PTPRT: variants seen among roughly 807,000 people sequenced by gnomAD.
PTPRT encodes the protein protein tyrosine phosphatase receptor type T, also known as receptor-type tyrosine-protein phosphatase T.
A neutral mutation model predicts 176.8 loss-of-function variants in PTPRT; 56 were observed. The observed-to-expected ratio is 0.32, with a 90% CI of 0.26 to 0.40. The LOEUF (loss-of-function observed/expected upper bound fraction) is 0.40, where lower values mean the gene tolerates loss of function less well. Among genes scored for constraint, PTPRT ranks in the 10% least tolerant of loss-of-function variants. The pLI is 1.00. For synonymous variants in PTPRT, 783 were observed against 739.0 expected (o/e 1.06, Z -0.96); for missense variants, 1,540 against 1,908.2 (o/e 0.81, Z 3.60).
At chr20:42,591,491 C>A (rs771940554) in intron 7 of PTPRT, among the ~76,000 whole-genome samples, 12 of 152,184 alleles carry the variant, frequency 7.9e-5, no homozygotes, top group Admixed American at 2.0e-4. Flanking sequence ...CTGGTTTAAT[C>A]TTGACTCAGT....
intron 7 of PTPRT, among the ~76,000 whole-genome samples, chr20:42,579,480 C>G (rs1350992389): frequency 1.3e-5 from 2 of 152,182 alleles, no homozygotes; most frequent in Non-Finnish European, 2.9e-5. Flanking sequence ...TGAGGAATCA[C>G]CACACTGTCT....
chr20:42,509,803 C>A (rs2071921200), intron 7 of PTPRT, among the ~76,000 whole-genome samples: 1 of 152,022 alleles, frequency 6.6e-6, no homozygotes, highest in Admixed American at 6.6e-5. Context: ...ATTTATTTAG[C>A]AAATATGTAT....
intron 25 of PTPRT, among the ~76,000 whole-genome samples, chr20:42,103,535 G>A (rs571412765): frequency 6.6e-6 from 1 of 152,180 alleles, no homozygotes; most frequent in Admixed American, 6.5e-5. Context: ...GCACAATCTC[G>A]GCTCACTGCA....
intron 2 of PTPRT, among the ~76,000 whole-genome samples, chr20:42,851,515 C>T (rs1568634996): frequency 6.6e-6 from 1 of 152,108 alleles, no homozygotes; most frequent in Non-Finnish European, 1.5e-5. Context: ...CTTTTACTCT[C>T]AAAAATGTCC....
chr20:42,301,851 GA>G (rs1317891753), intron 12 of PTPRT, among the ~76,000 whole-genome samples: 1 of 152,138 alleles, frequency 6.6e-6, no homozygotes, highest in Admixed American at 6.5e-5. Flanking sequence ...AAGTAAGTTG[GA>G]ACAAAAACAA....
chr20:42,811,228 A>G (rs1340998927), intron 2 of PTPRT, among the ~76,000 whole-genome samples: 6 of 152,216 alleles, frequency 3.9e-5, no homozygotes, highest in Admixed American at 6.5e-5. Context: ...ACCCAGAAAT[A>G]ACTGTCATTA....
intron 12 of PTPRT, among the ~76,000 whole-genome samples, chr20:42,304,467 T>G (rs1360384443): frequency 6.6e-6 from 1 of 152,126 alleles, no homozygotes; most frequent in Non-Finnish European, 1.5e-5. Context: ...TTTAGAAACA[T>G]TCTTATAAAG....
intron 19 of PTPRT, among the ~76,000 whole-genome samples, chr20:42,121,861 C>A (rs1402842183): frequency 4.0e-5 from 6 of 151,830 alleles, no homozygotes; most frequent in Admixed American, 3.9e-4. Flanking sequence ...TTTGCAGCAA[C>A]ATGGATACAT....
chr20:42,165,561 C>T (rs193231367), intron 16 of PTPRT, among the ~76,000 whole-genome samples: 11 of 152,362 alleles, frequency 7.2e-5, no homozygotes, highest in Non-Finnish European at 8.8e-5. Flanking sequence ...ATCTATGTGA[C>T]AGCTGTCCAA....
Position 42,648,821 on chromosome 20 carries a change from T to TTTTTTTTTTTGTTTTTTTTTTTTG in PTPRT, c.1153+29044_1153+29045insCAAAAAAAAAAAACAAAAAAAAAA, listed in dbSNP as rs199784986. On this transcript the variant is annotated intron_variant, in intron 7 of 30. Transcript: ENST00000373187. ...GGGATTTTTTTTTTTGGTGTCGTTG[T>TTTTTTTTTTTGTTTTTTTTTTTTG]TTTTTTTTTTTTTTTTTGACAGAGT... 1.7e-3 allele frequency among the ~76,000 whole-genome samples: 42 copies of TTTTTTTTTTTGTTTTTTTTTTTTG among 25,368 alleles called. 3 individuals are homozygous for TTTTTTTTTTTGTTTTTTTTTTTTG. The highest frequency in any genetic ancestry group is 6.3e-3 in the African/African-American group (41 of 6,534). The allele number at this position is 25,368 out of a possible 152,430, so 16.6% of individuals were successfully genotyped here.
intron 9 of PTPRT, among the ~76,000 whole-genome samples, chr20:42,404,314 T>C (rs1280968853): frequency 6.6e-6 from 1 of 152,132 alleles, no homozygotes; most frequent in Non-Finnish European, 1.5e-5. Context: ...TTGAATGCCT[T>C]AGGGGATGAT....
intron 2 of PTPRT, among the ~76,000 whole-genome samples, chr20:42,876,484 C>T (rs542359491): frequency 8.5e-5 from 13 of 152,072 alleles, no homozygotes; most frequent in East Asian, 7.8e-4. Context: ...TCCCCAGTGT[C>T]TCTTTATTTG....
At chr20:42,355,308 ACTTTC>A (rs544519594) in intron 9 of PTPRT, among the ~76,000 whole-genome samples, 427 of 152,186 alleles carry the variant, frequency 2.8e-3, no homozygotes, top group South Asian at 4.2e-3. Context: ...ATGATTGGCT[ACTTTC>A]CTTTCTCTTC....
chr20:42,090,951 C>T (rs939921396), intron 27 of PTPRT, among the ~76,000 whole-genome samples: 5 of 152,232 alleles, frequency 3.3e-5, no homozygotes, highest in South Asian at 2.1e-4. Context: ...AGTACTCTCT[C>T]CTACCCTTTC....
chr20:42,421,336 C>T (rs147033791), intron 9 of PTPRT, among the ~76,000 whole-genome samples: 1 of 152,010 alleles, frequency 6.6e-6, no homozygotes, highest in Non-Finnish European at 1.5e-5. Flanking sequence ...GGTTGGGTGG[C>T]GGTCTCCAAA....
intron 13 of PTPRT, among the ~76,000 whole-genome samples, chr20:42,257,656 C>CCT (rs1379631907): frequency 1.0e-5 from 1 of 98,980 alleles, no homozygotes; most frequent in East Asian, 3.6e-4. Context: ...CCCCCCCCCC[C>CCT]GCCCACTACT....
chr20:42,724,859 C>G (rs1180685521), intron 6 of PTPRT, among the ~76,000 whole-genome samples: 1 of 152,012 alleles, frequency 6.6e-6, no homozygotes, highest in Non-Finnish European at 1.5e-5. Flanking sequence ...CTGCCTCCCT[C>G]TTTTATACCC....
intron 1 of PTPRT, among the ~76,000 whole-genome samples, chr20:42,892,835 G>C (rs1039784137): frequency 6.6e-6 from 1 of 152,208 alleles, no homozygotes; most frequent in African/African-American, 2.4e-5. Context: ...TCTTTCCTCA[G>C]AGTCTGTCCC....
chr20:42,100,211 T>C (rs1409694360), intron 26 of PTPRT, among the ~76,000 whole-genome samples: 1 of 152,232 alleles, frequency 6.6e-6, no homozygotes, highest in African/African-American at 2.4e-5. Flanking sequence ...ATAAACGCTC[T>C]ATTAGGCCAG....
Sources: allele counts gnomAD v4.1 joint callset (sites outside exome capture counted in the v4.1 genomes callset), GRCh38; gene constraint gnomAD v4.1.1; transcripts MANE v1.5; gene names NCBI Gene and HGNC (gene_info 2026-07-23, HGNC 2026-07-21).